The following ATXN7L1 variants were observed in gnomAD, a reference collection of about 807,000 sequenced individuals.
ATXN7L1 encodes ataxin 7 like 1.
A neutral mutation model predicts 70.8 loss-of-function variants in ATXN7L1; 15 were observed. The ratio of observed to expected loss-of-function variants is 0.21; its 90% CI spans 0.14 to 0.33. The LOEUF (loss-of-function observed/expected upper bound fraction) is 0.33. ATXN7L1 is among the 10% of genes least tolerant of loss of function. ATXN7L1 has a pLI of 1.00. For synonymous variants in ATXN7L1, 440 were observed against 445.1 expected, an observed-to-expected ratio of 0.99 and a Z score of 0.14; for missense variants, 975 against 1,097.1, an observed-to-expected ratio of 0.89 and a Z score of 1.57.
chr7:105,831,838 G>C (rs1811667323), intron 2 of ATXN7L1, among the ~76,000 whole-genome samples: 1 of 152,190 alleles, frequency 6.6e-6, no homozygotes, highest in Non-Finnish European at 1.5e-5. Context: ...ACAGGGATGT[G>C]GGGTGGGCTA....
chr7:105,611,172 C>T lies in ATXN7L1; in HGVS notation c.2473-569G>A, dbSNP rs148084957. Among the ~76,000 whole-genome samples, 108 of 152,282 alleles carry T rather than the reference C, an allele frequency of 7.1e-4. No homozygotes were observed. The East Asian group carries it at 0.015, about 22-fold the overall frequency. ...CCTTCATGTGGATGGAGGACAGGAA[C>T]GCTATGCATGCGGGTGTGGCCACTG... On this transcript the variant is annotated intron_variant, in intron 10 of 11. Coordinates refer to ENST00000419735, the MANE Select transcript of ATXN7L1 (RefSeq NM_020725.2).
At chr7:105,727,727 GGTGT>G (rs1269687539) in intron 3 of ATXN7L1, among the ~76,000 whole-genome samples, 1 of 75,656 alleles carries the variant, frequency 1.3e-5, no homozygotes, top group South Asian at 5.5e-4. Flanking sequence ...TTTCCATAGG[GGTGT>G]GTGTGTGTAT....
chr7:105,614,274 T>A lies in ATXN7L1; in HGVS notation c.2060A>T (p.Asn687Ile). The change falls in exon 10 of 12, where the codon AAC becomes ATC. Residue 687 changes from asparagine to isoleucine, a missense_variant. Around this residue, in one of 5 missense-constraint regions of ATXN7L1, gnomAD observed 635 missense variants for 699.4 expected, o/e 0.91. Coordinates refer to ENST00000419735, the MANE Select transcript of ATXN7L1 (RefSeq NM_020725.2). The surrounding 1 kb of genome is among the most constrained non-coding windows in gnomAD (Gnocchi z 4.3). ...ATAGGGAGGGGCCGCCTGATAGGAG[T>A]TCAAAGCAGAACTGGCATTCAAAAC... ...NCVLNASSALNSYQAAPPYNS... is the reference protein window; with the variant it reads ...NCVLNASSALISYQAAPPYNS... The A allele has an allele frequency of 6.4e-7, 1 of 1,551,356 alleles. No homozygotes were observed. The highest frequency in any genetic ancestry group is 8.7e-7 in the Non-Finnish European group (1 of 1,146,932).
intron 3 of ATXN7L1, among the ~76,000 whole-genome samples, chr7:105,787,496 A>T (rs982387070): frequency 3.3e-5 from 5 of 152,194 alleles, no homozygotes; most frequent in Admixed American, 3.3e-4. Context: ...ACAGATACAG[A>T]TTATATATAT....
At chr7:105,873,181 CAA>C (rs750466788) in intron 2 of ATXN7L1, among the ~76,000 whole-genome samples, 16 of 121,052 alleles carry the variant, frequency 1.3e-4, no homozygotes, top group Admixed American at 3.2e-4. Context: ...CAAAACAAAA[CAA>C]AACAACAACA....
chr7:105,707,814 C>A (rs563417539), intron 3 of ATXN7L1, among the ~76,000 whole-genome samples: 1 of 152,190 alleles, frequency 6.6e-6, no homozygotes, highest in East Asian at 1.9e-4. Context: ...GGCATGAGTA[C>A]AGAAATCATT....
intron 7 of ATXN7L1, among the ~76,000 whole-genome samples, chr7:105,627,681 G>C (rs1019703550): frequency 6.6e-6 from 1 of 151,666 alleles, no homozygotes; most frequent in Non-Finnish European, 1.5e-5. Flanking sequence ...ACAGGTGTGC[G>C]CCAACATGCC....
chr7:105,607,792 G>A lies in ATXN7L1; in HGVS notation c.*60C>T. On this transcript the variant is annotated 3_prime_UTR_variant, in exon 12 of 12. Transcript: ENST00000419735. ...CACTCCCCTCCCTCCTCCTCCCCAT[G>A]GCCTCCTCGGATGGGATTAGGTGGC... 1 of 1,465,718 alleles carries A rather than the reference G, an allele frequency of 6.8e-7. No individual in the cohort carries two copies. Among genetic ancestry groups the A allele is most frequent in the Non-Finnish European group, 9.4e-7 (1 of 1,068,624 alleles). The allele number at this position is 1,465,718 out of a possible 1,614,324, so 90.8% of individuals were successfully genotyped here.
chr7:105,801,668 A>G (rs1450995934), intron 2 of ATXN7L1, among the ~76,000 whole-genome samples: 1 of 152,150 alleles, frequency 6.6e-6, no homozygotes, highest in African/African-American at 2.4e-5. Flanking sequence ...AATCACCTCT[A>G]CTTGTGAGCT....
chr7:105,810,475 C>T (rs551134340), intron 2 of ATXN7L1, among the ~76,000 whole-genome samples: 2 of 152,332 alleles, frequency 1.3e-5, no homozygotes, highest in East Asian at 3.9e-4. Flanking sequence ...ACAAACAAAA[C>T]ACTGGTGCTG....
chr7:105,783,132 T>C (rs1310500320), intron 3 of ATXN7L1, among the ~76,000 whole-genome samples: 1 of 152,206 alleles, frequency 6.6e-6, no homozygotes, highest in East Asian at 1.9e-4. Flanking sequence ...GTCATATAAG[T>C]AGCTCAAGGT....
At chr7:105,660,233 C>T (rs888966686) in intron 4 of ATXN7L1, among the ~76,000 whole-genome samples, 1 of 152,140 alleles carries the variant, frequency 6.6e-6, no homozygotes, top group African/African-American at 2.4e-5. Flanking sequence ...CATCATTCTA[C>T]GTGGCTGTCA....
At chr7:105,663,534 T>C (rs568057133) in intron 4 of ATXN7L1, among the ~76,000 whole-genome samples, 17 of 152,190 alleles carry the variant, frequency 1.1e-4, no homozygotes, top group Non-Finnish European at 2.4e-4. Flanking sequence ...ATACATAAAT[T>C]AGATGGACTC....
intron 5 of ATXN7L1, among the ~76,000 whole-genome samples, chr7:105,641,206 CTCTCTCTCTTTTTTTTTTTTTTTT>C (rs1367201477): frequency 2.3e-5 from 2 of 85,672 alleles, no homozygotes; most frequent in East Asian, 4.9e-4. Context: ...CTCTCTCTCT[CTCTCTCTCTTTTTTTTTTTTTTTT>C]TTTTTTTTTT....
chr7:105,869,935 C>T (rs932446728), intron 2 of ATXN7L1, among the ~76,000 whole-genome samples: 7 of 152,234 alleles, frequency 4.6e-5, no homozygotes, highest in Admixed American at 2.0e-4. Context: ...AAGTATTATT[C>T]GACAGCTATT....
At chr7:105,819,445 TAAAAAAAAA>T (rs369266871) in intron 2 of ATXN7L1, 2 of 556,542 alleles carry the variant, frequency 3.6e-6, no homozygotes, top group African/African-American at 2.1e-5. Flanking sequence ...ATTTGGGATT[TAAAAAAAAA>T]AAAAAAAAGA....
intron 3 of ATXN7L1, among the ~76,000 whole-genome samples, chr7:105,754,475 G>A (rs977298389): frequency 2.6e-5 from 4 of 151,544 alleles, no homozygotes; most frequent in African/African-American, 7.3e-5. Context: ...ATAGCTCACC[G>A]TGGTCTACAT....
At chr7:105,870,299 A>T (rs1006657828) in intron 2 of ATXN7L1, among the ~76,000 whole-genome samples, 2 of 137,420 alleles carry the variant, frequency 1.5e-5, no homozygotes, top group African/African-American at 2.7e-5. Context: ...AAAAAAAAAA[A>T]TTTGATATCC....
intron 7 of ATXN7L1, among the ~76,000 whole-genome samples, chr7:105,626,297 A>G (rs1721484): frequency 0.97 from 147,485 of 152,300 alleles, 71,584 homozygotes; most frequent in East Asian, 1. Context: ...ATATTGGATG[A>G]TTCCACTTAC....
Sources: gnomAD v4.1 joint callset for allele counts (sites outside exome capture counted in the v4.1 genomes callset) on GRCh38, gnomAD v4.1.1 for gene constraint, gnomAD v4.1.1 regional missense constraint, Gnocchi (gnomAD v3.1) non-coding constraint, MANE v1.5 for transcripts, NCBI Gene and HGNC (gene_info 2026-07-23, HGNC 2026-07-21) for gene names.